Variants in NYAP2 observed in about 807,000 individuals in gnomAD.
The protein encoded by NYAP2 is neuronal tyrosine-phosphorylated phosphoinositide-3-kinase adaptor 2.
In NYAP2, 23 loss-of-function variants were observed where a neutral mutation model predicts 50.4. The ratio of observed to expected loss-of-function variants is 0.46; its 90% CI spans 0.33 to 0.65. The LOEUF is 0.65. NYAP2 is among the 30% of genes least tolerant of loss of function. The pLI is 0.02. For missense variants in NYAP2, 885 were observed against 861.0 expected (o/e 1.03, Z -0.35); for synonymous variants, 394 against 365.2 (o/e 1.08, Z -0.90).
chr2:225,446,222 C>G (rs960869298), intron 3 of NYAP2, among the ~76,000 whole-genome samples: 2,435 of 101,202 alleles, frequency 0.024, 48 homozygotes, highest in African/African-American at 0.06. Flanking sequence ...GTCTGTCTCT[C>G]TCTCTCTCTC....
chr2:225,509,061 T>G (rs1690762906), intron 3 of NYAP2, among the ~76,000 whole-genome samples: 1 of 152,096 alleles, frequency 6.6e-6, no homozygotes, highest in Non-Finnish European at 1.5e-5. Context: ...CACCGCAGTT[T>G]GTATGGGAGC....
chr2:225,635,446 A>T (rs1693397015), intron 6 of NYAP2, among the ~76,000 whole-genome samples: 1 of 152,184 alleles, frequency 6.6e-6, no homozygotes, highest in African/African-American at 2.4e-5. Context: ...AAATGCATGG[A>T]ATGCTTGGTA....
chr2:225,645,122 G>A (rs1450962859), intron 6 of NYAP2, among the ~76,000 whole-genome samples: 1 of 151,920 alleles, frequency 6.6e-6, no homozygotes, highest in Non-Finnish European at 1.5e-5. Context: ...GCCGTCCATG[G>A]TGGCATGCAC....
At position 225,650,237 on chromosome 2, in the gene NYAP2, G is replaced by T. The variant is rs560734609; in HGVS notation, c.1829-1195G>T. Among the ~76,000 whole-genome samples, 8 of 152,320 alleles carry T rather than the reference G, an allele frequency of 5.3e-5. No homozygotes were observed. The South Asian group carries it at 1.2e-3, about 24-fold the overall frequency. ...GGCAGTGAACCATTCATGCAATGCAGATATAGTCAATGCTTTTCTCTGAAG... is the reference window on the plus strand; with the variant it reads ...GGCAGTGAACCATTCATGCAATGCATATATAGTCAATGCTTTTCTCTGAAG... On this transcript the variant is annotated intron_variant, in intron 6 of 6. Coordinates refer to ENST00000636099, the Ensembl canonical transcript of NYAP2.
At chr2:225,674,059 G>C in the NYAP2 span, among the ~76,000 whole-genome samples, 1 of 152,082 alleles carries the variant, frequency 6.6e-6, no homozygotes, top group South Asian at 2.1e-4. Context: ...CTTGGAGTCT[G>C]AAATCGCCTG....
intron 4 of NYAP2, among the ~76,000 whole-genome samples, chr2:225,521,928 A>C (rs1012393055): frequency 6.6e-5 from 10 of 152,024 alleles, no homozygotes; most frequent in Non-Finnish European, 1.3e-4. Context: ...TTGGTAAGCT[A>C]TTGATTATTG....
chr2:225,652,579 C>T (rs571710972), exon 7 of NYAP2: 4 of 152,078 alleles, frequency 2.6e-5, no homozygotes, highest in East Asian at 1.9e-4. Context: ...GCTTAATTGT[C>T]GTTACTGTTA....
intron 4 of NYAP2, among the ~76,000 whole-genome samples, chr2:225,542,886 A>T (rs1691502844): frequency 6.6e-6 from 1 of 152,080 alleles, no homozygotes; most frequent in African/African-American, 2.4e-5. Context: ...CAATAAAGCC[A>T]TCAGGTCACA....
intron 3 of NYAP2, among the ~76,000 whole-genome samples, chr2:225,409,593 A>C (rs1323604865): frequency 6.6e-6 from 1 of 151,986 alleles, no homozygotes; most frequent in Non-Finnish European, 1.5e-5. Context: ...CCCTATGCAG[A>C]CTTTTATGGC....
At chr2:225,675,147 C>A in the NYAP2 span, among the ~76,000 whole-genome samples, 1 of 152,006 alleles carries the variant, frequency 6.6e-6, no homozygotes, top group East Asian at 1.9e-4. Context: ...TTAAAAATTT[C>A]AACTTTTATT....
At chr2:225,550,487 A>T (rs552361630) in intron 4 of NYAP2, among the ~76,000 whole-genome samples, 2 of 152,342 alleles carry the variant, frequency 1.3e-5, no homozygotes, top group Admixed American at 6.5e-5. Flanking sequence ...GGCGTAAGCC[A>T]AATTGGGGTG....
At chr2:225,465,650 A>G (rs937869142) in intron 3 of NYAP2, among the ~76,000 whole-genome samples, 1 of 152,146 alleles carries the variant, frequency 6.6e-6, no homozygotes, top group Admixed American at 6.5e-5. Context: ...CGGGAGGCAG[A>G]GTTTGCAGTG....
intron 3 of NYAP2, among the ~76,000 whole-genome samples, chr2:225,482,678 C>A (rs576391816): frequency 6.6e-6 from 1 of 152,216 alleles, no homozygotes; most frequent in South Asian, 2.1e-4. Flanking sequence ...GCTCCACCAC[C>A]ACAGAGCCTA....
At chr2:225,658,828 A>T (rs1693866834), downstream of NYAP2, among the ~76,000 whole-genome samples, 1 of 152,252 alleles carries the variant, frequency 6.6e-6, no homozygotes, top group South Asian at 2.1e-4. Context: ...AATACAAAGA[A>T]TTCAGAGGGT....
At chr2:225,699,956 G>T in the NYAP2 span, 2 of 151,772 alleles carry the variant, frequency 1.3e-5, no homozygotes, top group Non-Finnish European at 2.9e-5. Flanking sequence ...ATAGTATGTG[G>T]TTCTTTGTTA....
chr2:225,627,709 A>G (rs1386185891), intron 6 of NYAP2, among the ~76,000 whole-genome samples: 1 of 152,234 alleles, frequency 6.6e-6, no homozygotes, highest in African/African-American at 2.4e-5. Context: ...TAAATGTCAC[A>G]AGTTAAAATT....
intron 5 of NYAP2, among the ~76,000 whole-genome samples, chr2:225,614,123 T>C (rs184602991): frequency 6.6e-6 from 1 of 152,322 alleles, no homozygotes; most frequent in East Asian, 1.9e-4. Flanking sequence ...AAAGATTTTA[T>C]TGAACTGAGC....
At chr2:225,679,434 T>C in the NYAP2 span, among the ~76,000 whole-genome samples, 1 of 152,018 alleles carries the variant, frequency 6.6e-6, no homozygotes, top group Non-Finnish European at 1.5e-5. Flanking sequence ...TCAAACAACA[T>C]TTAAATATTG....
At chr2:225,579,021 G>A (rs547970530) in intron 4 of NYAP2, among the ~76,000 whole-genome samples, 16 of 151,710 alleles carry the variant, frequency 1.1e-4, no homozygotes, top group Non-Finnish European at 2.1e-4. Flanking sequence ...GTTCTCATAC[G>A]GCATGCACGT....
Sources: allele counts gnomAD v4.1 joint callset (sites outside exome capture counted in the v4.1 genomes callset), GRCh38; gene constraint gnomAD v4.1.1; transcripts MANE v1.5; gene names NCBI Gene and HGNC (gene_info 2026-07-23, HGNC 2026-07-21).